NDNF: variants seen among roughly 807,000 people sequenced by gnomAD.
NDNF encodes protein NDNF.
A neutral mutation model predicts 42.0 loss-of-function variants in NDNF; 16 were observed. The ratio of observed to expected loss-of-function variants is 0.38; its 90% CI spans 0.26 to 0.58. The LOEUF is 0.58. Among genes scored for constraint, NDNF ranks in the 20% least tolerant of loss-of-function variants. The pLI is 0.67. For synonymous variants in NDNF, 248 were observed against 251.7 expected (o/e 0.99, Z 0.14); for missense variants, 616 against 666.2 (o/e 0.92, Z 0.83).
Position 121,037,622 on chromosome 4 carries a change from T to C in NDNF, c.349A>G (p.Ile117Val), listed in dbSNP as rs1281105747. 6.3e-7 allele frequency: 1 copy of C among 1,591,550 alleles called. No individual in the cohort carries two copies. Among genetic ancestry groups the C allele is most frequent in the Non-Finnish European group, 8.5e-7 (1 of 1,173,352 alleles). ...AACTCAGTGCCTTCCTCATTAATGA[T>C]CTGCTGCTTCTGCTGCTCAAGAGGT... Reference protein sequence around the residue: ...LEPLEQQKQQIINEEGTELFS... With the variant: ...LEPLEQQKQQVINEEGTELFS... Residue 117 changes from isoleucine (I) to valine (V), a missense_variant, in exon 4 of 4, where the codon ATC (isoleucine) becomes GTC (valine). By Grantham distance (29) the Ile-to-Val change is conservative (BLOSUM62 3). Coordinates refer to ENST00000379692, the MANE Select transcript of NDNF (RefSeq NM_024574.4).
At chr4:121,053,501 G>A (rs546875708) in intron 1 of NDNF, among the ~76,000 whole-genome samples, 3 of 152,266 alleles carry the variant, frequency 2.0e-5, no homozygotes, top group South Asian at 4.1e-4. Context: ...AGAACTGGCC[G>A]AAATAAATGT....
rs539553847 is a variant in NDNF at position 121,037,670 on chromosome 4, G to A, written c.314-13C>T. On this transcript the variant is annotated splice_polypyrimidine_tract_variant and intron_variant, in intron 3 of 3. Coordinates refer to ENST00000379692, the MANE Select transcript of NDNF (RefSeq NM_024574.4). ...GGTTCCAGATCACCTAGAAAATACA[G>A]GAGAAGCACAGGCTACTGTCAGGGC... The A allele has an allele frequency of 3.2e-6, 5 of 1,556,732 alleles. No homozygotes were observed. In the South Asian group the frequency reaches 6.1e-5, roughly 19 times the overall value.
At chr4:121,051,769 T>C (rs1166179901) in intron 1 of NDNF, among the ~76,000 whole-genome samples, 1 of 152,226 alleles carries the variant, frequency 6.6e-6, no homozygotes, top group Non-Finnish European at 1.5e-5. Context: ...TAAATCTGGC[T>C]AATTTTTTTT....
At chr4:121,039,884 A>G in intron 3 of NDNF, 46 bp downstream of exon 3, 14 of 1,588,814 alleles carry the variant, frequency 8.8e-6, no homozygotes, top group Non-Finnish European at 1.2e-5. Context: ...CAAGCATTAA[A>G]ACCATCCATT....
chr4:121,060,115 T>G (rs1262825112), intron 1 of NDNF, among the ~76,000 whole-genome samples: 1 of 152,158 alleles, frequency 6.6e-6, no homozygotes, highest in Non-Finnish European at 1.5e-5. Flanking sequence ...TATCCTTTCT[T>G]TTTCTAAGAA....
intron 1 of NDNF, among the ~76,000 whole-genome samples, chr4:121,067,282 T>C (rs1727514937): frequency 6.6e-6 from 1 of 152,216 alleles, no homozygotes; most frequent in Admixed American, 6.5e-5. Context: ...TTTATACTAC[T>C]ACCTCTAGCC....
In NDNF at chr4:121,037,297, C is replaced by G. The variant is rs1239037791; in HGVS notation, c.674G>C (p.Cys225Ser). The change falls in exon 4 of 4, where the codon TGT (cysteine) becomes TCT (serine). Residue 225 changes from cysteine (C) to serine (S), a missense_variant. Transcript: ENST00000379692. ...TGCACTCAGTTTTGCTTCCACTGCA[C>G]AGAGACTTTTGAAATTGTGCTCTTT... is the stretch of plus-strand genomic sequence containing the variant. The part of the protein sequence containing the change: ...INKEHNFKSL[C>S]AVEAKLSADD... The G allele has an allele frequency of 6.2e-7, 1 of 1,613,994 alleles. No individual in the cohort carries two copies. The highest frequency in any genetic ancestry group is 8.5e-7 in the Non-Finnish European group (1 of 1,180,024).
rs1344708953 is a variant in NDNF at position 121,039,188 on chromosome 4, GTGTGTATATATATATA to G, written c.313+726_313+741del. On this transcript the variant is annotated intron_variant, in intron 3 of 3. Transcript: ENST00000379692. Reference sequence around the variant, plus strand: ...ATATATATAAAGACTATGTGTGTGTGTGTGTATATATATATATATATATATATATATATATATATAT... The same window carrying G: ...ATATATATAAAGACTATGTGTGTGTGTATATATATATATATATATATATAT... Among the ~76,000 whole-genome samples the G allele has an allele frequency of 3.9e-4, 26 of 66,612 alleles. 1 individual carries two copies. The highest frequency in any genetic ancestry group is 1.9e-3 in the African/African-American group (25 of 13,112). 43.7% of individuals were successfully genotyped at this position (66,612 alleles called of 152,430 possible). A position where few individuals can be genotyped will look rare whatever the true frequency, so the allele number is the denominator to read the frequency against.
chr4:121,051,078 A>G lies in NDNF; in HGVS notation c.-1-5240T>C, dbSNP rs28687496. On this transcript the variant is annotated intron_variant, in intron 1 of 3. Coordinates refer to ENST00000379692, the MANE Select transcript of NDNF (RefSeq NM_024574.4). Reference sequence around the variant, plus strand: ...ATCAGCTGATATTGGAGTTAAGGCAAATAAGTAGTAGTCCCCAAAGAGGAA... The same window carrying G: ...ATCAGCTGATATTGGAGTTAAGGCAGATAAGTAGTAGTCCCCAAAGAGGAA... Among the ~76,000 whole-genome samples the G allele has an allele frequency of 3.9e-3, 597 of 152,260 alleles. 6 individuals carry two copies. The highest frequency in any genetic ancestry group is 0.014 in the African/African-American group (576 of 41,582).
chr4:121,060,590 A>T (rs1210948659), intron 1 of NDNF, among the ~76,000 whole-genome samples: 2 of 152,216 alleles, frequency 1.3e-5, no homozygotes, highest in Admixed American at 6.5e-5. Context: ...CAAGATTCAA[A>T]ATTACACCAA....
chr4:121,068,514 T>C (rs1194935316), intron 1 of NDNF, among the ~76,000 whole-genome samples: 1 of 152,226 alleles, frequency 6.6e-6, no homozygotes, highest in African/African-American at 2.4e-5. Context: ...TAGATATTAT[T>C]TCAGGGTCAA....
intron 1 of NDNF, among the ~76,000 whole-genome samples, chr4:121,047,207 T>C (rs1727109184): frequency 1.3e-5 from 2 of 152,246 alleles, no homozygotes; most frequent in Admixed American, 1.3e-4. Context: ...AATAACATTC[T>C]CTTTTTTACA....
At chr4:121,070,688 A>AC (rs1213214064) in intron 1 of NDNF, among the ~76,000 whole-genome samples, 1 of 152,242 alleles carries the variant, frequency 6.6e-6, no homozygotes, top group East Asian at 1.9e-4. Context: ...AAATTTATCA[A>AC]CCCAACAAAG....
intron 1 of NDNF, among the ~76,000 whole-genome samples, chr4:121,059,703 T>G (rs1727370249): frequency 6.6e-6 from 1 of 152,234 alleles, no homozygotes; most frequent in Non-Finnish European, 1.5e-5. Flanking sequence ...TATTCTGATC[T>G]GAGCACAGGA....
Position 121,054,243 on chromosome 4 carries a change from T to G in NDNF, c.-1-8405A>C, listed in dbSNP as rs186667960. Among the ~76,000 whole-genome samples, 9 of 152,330 alleles carry G rather than the reference T, an allele frequency of 5.9e-5. No homozygotes were observed. The East Asian group carries it at 1.5e-3, about 26-fold the overall frequency. On this transcript the variant is annotated intron_variant, in intron 1 of 3. Transcript: ENST00000379692. ...GGGTAATGTGAGGTCTGAAAAAATATGTATCTTAGGAACTTAGAATCTATT... is the reference window on the plus strand; with the variant it reads ...GGGTAATGTGAGGTCTGAAAAAATAGGTATCTTAGGAACTTAGAATCTATT...
intron 1 of NDNF, among the ~76,000 whole-genome samples, chr4:121,062,776 G>A (rs868374496): frequency 2.0e-5 from 3 of 151,790 alleles, no homozygotes; most frequent in African/African-American, 4.8e-5. Context: ...TGAGTGTCGC[G>A]GTCAACAACG....
chr4:121,039,471 T>G (rs1247568074), intron 3 of NDNF, among the ~76,000 whole-genome samples: 1 of 151,936 alleles, frequency 6.6e-6, no homozygotes, highest in South Asian at 2.1e-4. Flanking sequence ...CTTCTCTGTT[T>G]CCATCTGTTA....
intron 1 of NDNF, chr4:121,071,325 A>G (rs974311888): frequency 3.9e-5 from 6 of 152,148 alleles, no homozygotes; most frequent in African/African-American, 1.2e-4. Flanking sequence ...GGAAGTTTCT[A>G]TAACGATGCT....
chr4:121,069,047 T>C (rs1204892059), intron 1 of NDNF, among the ~76,000 whole-genome samples: 1 of 152,212 alleles, frequency 6.6e-6, no homozygotes, highest in East Asian at 1.9e-4. Flanking sequence ...CTCCCCTTCA[T>C]GTCAAATAAT....
Sources: gnomAD v4.1 joint callset for allele counts (sites outside exome capture counted in the v4.1 genomes callset) on GRCh38, gnomAD v4.1.1 for gene constraint, MANE v1.5 for transcripts, NCBI Gene and HGNC (gene_info 2026-07-23, HGNC 2026-07-21) for gene names.